Variants in ATP10B observed in about 807,000 individuals in gnomAD.
ATP10B encodes the protein phospholipid-transporting ATPase VB.
ATP10B carries 122 observed loss-of-function variants against 141.2 expected under a neutral mutation model. The observed-to-expected ratio is 0.86, with a 90% CI of 0.75 to 1.00. ATP10B has a LOEUF of 1.00. ATP10B is among the 50% of genes least tolerant of loss of function. The pLI, the probability that ATP10B is intolerant of heterozygous loss-of-function variation, is 0.00. For synonymous variants in ATP10B, 685 were observed against 692.0 expected, an observed-to-expected ratio of 0.99 and a Z score of 0.16; for missense variants, 1,876 against 1,825.3, an observed-to-expected ratio of 1.03 and a Z score of -0.51.
the ATP10B span, among the ~76,000 whole-genome samples, chr5:160,919,831 C>T: frequency 0.033 from 5,095 of 152,180 alleles, 118 homozygotes; most frequent in South Asian, 0.069. Flanking sequence ...CCTCTGAGGC[C>T]AACTGCGATG....
intron 3 of ATP10B, among the ~76,000 whole-genome samples, chr5:160,704,888 C>G (rs1414767931): frequency 7.8e-6 from 1 of 128,244 alleles, no homozygotes; most frequent in African/African-American, 3.1e-5. Context: ...GAAATAATCT[C>G]TGCTAGCTTC....
chr5:160,764,487 A>G (rs1409229627), intron 2 of ATP10B, among the ~76,000 whole-genome samples: 1 of 152,118 alleles, frequency 6.6e-6, no homozygotes, highest in Non-Finnish European at 1.5e-5. Context: ...ATAGATGCAG[A>G]AAAAAGCACC....
At chr5:160,752,951 C>T (rs778210276) in intron 2 of ATP10B, among the ~76,000 whole-genome samples, 18 of 152,178 alleles carry the variant, frequency 1.2e-4, no homozygotes, top group Admixed American at 3.9e-4. Context: ...ATCAGTTCCT[C>T]TTACTTTCTG....
the ATP10B span, among the ~76,000 whole-genome samples, chr5:160,907,129 T>C: frequency 6.6e-6 from 1 of 152,180 alleles, no homozygotes. Flanking sequence ...CAAATCGTTT[T>C]CTGTAATTCC....
At chr5:160,632,062 A>G (rs1758971651) in intron 13 of ATP10B, 67 bp downstream of exon 13, 1 of 1,458,816 alleles carries the variant, frequency 6.9e-7, no homozygotes, top group Non-Finnish European at 9.3e-7. Flanking sequence ...TCTTTTTCAC[A>G]TTCCAGAGCA....
At chr5:160,884,461 A>C in the ATP10B span, among the ~76,000 whole-genome samples, 1 of 152,294 alleles carries the variant, frequency 6.6e-6, no homozygotes, top group South Asian at 2.1e-4. Flanking sequence ...GTCTATAGTG[A>C]TAATTTTTCT....
At chr5:160,906,312 G>A in the ATP10B span, among the ~76,000 whole-genome samples, 1 of 151,892 alleles carries the variant, frequency 6.6e-6, no homozygotes, top group Non-Finnish European at 1.5e-5. Context: ...CTATTCAGAA[G>A]CAGCCTCTGG....
intron 1 of ATP10B, among the ~76,000 whole-genome samples, chr5:160,831,109 C>T (rs553717966): frequency 2.9e-4 from 5 of 17,286 alleles, no homozygotes; most frequent in Non-Finnish European, 9.9e-4. Flanking sequence ...ACTTTCAACA[C>T]GCTTTTTTTT....
intron 14 of ATP10B, 24 bp downstream of exon 14, chr5:160,622,370 C>G: frequency 6.3e-7 from 1 of 1,592,484 alleles, no homozygotes; most frequent in Non-Finnish European, 8.5e-7. Flanking sequence ...TTACCCTCCT[C>G]CCCCAGCCAT....
the ATP10B span, among the ~76,000 whole-genome samples, chr5:160,866,528 C>T: frequency 1.3e-5 from 2 of 152,002 alleles, no homozygotes; most frequent in East Asian, 3.9e-4. Flanking sequence ...ACAAAATTAG[C>T]CATGTTTGTT....
rs75640245 is a variant in ATP10B, at chr5:160,623,832, C to T, written c.1621-1247G>A. Among the ~76,000 whole-genome samples the T allele has an allele frequency of 8.5e-3, 1,299 of 152,304 alleles. 14 individuals carry two copies. Among genetic ancestry groups the T allele is most frequent in the African/African-American group, 0.029 (1,226 of 41,564 alleles). On this transcript the variant is annotated intron_variant, in intron 13 of 25. Coordinates refer to ENST00000327245, the MANE Select transcript of ATP10B (RefSeq NM_025153.3). ...CTGGTTTTGTCTATCTCCCTGCTGG[C>T]ATCTTGCTTTGGCCTGTATTTTAAA...
intron 1 of ATP10B, among the ~76,000 whole-genome samples, chr5:160,838,639 A>C (rs1356176654): frequency 6.6e-6 from 1 of 152,180 alleles, no homozygotes; most frequent in Non-Finnish European, 1.5e-5. Flanking sequence ...AGTAATGTAC[A>C]TACTTTGAGA....
intron 1 of ATP10B, among the ~76,000 whole-genome samples, chr5:160,833,654 A>C (rs1436968779): frequency 6.6e-6 from 1 of 152,182 alleles, no homozygotes; most frequent in African/African-American, 2.4e-5. Flanking sequence ...ATTATAAAAT[A>C]ACTATGATTA....
intron 2 of ATP10B, among the ~76,000 whole-genome samples, chr5:160,731,426 G>T (rs532877260): frequency 3.3e-5 from 5 of 152,318 alleles, no homozygotes; most frequent in Admixed American, 3.3e-4. Flanking sequence ...AGTTTGACTG[G>T]TAGTAAGGTT....
chr5:160,665,376 T>C (rs1454570164), intron 7 of ATP10B, among the ~76,000 whole-genome samples: 3 of 152,232 alleles, frequency 2.0e-5, no homozygotes, highest in Non-Finnish European at 4.4e-5. Flanking sequence ...GTTGTGACCA[T>C]GTCTGTACCA....
chr5:160,854,661 G>C (rs1753954095), upstream of ATP10B, among the ~76,000 whole-genome samples: 1 of 152,096 alleles, frequency 6.6e-6, no homozygotes, highest in South Asian at 2.1e-4. Context: ...ATAGTAGAAT[G>C]ACTTATAGGG....
Position 160,660,237 on chromosome 5 carries a change from T to C in ATP10B, c.675+10226A>G, listed in dbSNP as rs1761815687. Among the ~76,000 whole-genome samples the C allele has an allele frequency of 2.6e-5, 4 of 152,290 alleles. No individual in the cohort carries two copies. In the South Asian group the frequency reaches 8.3e-4, roughly 32 times the overall value. ...GGCATAGAAATAATAATCAACCCAATAGTAATAAACTCCTCTAGCATGTAC... is the reference window on the plus strand; with the variant it reads ...GGCATAGAAATAATAATCAACCCAACAGTAATAAACTCCTCTAGCATGTAC... On this transcript the variant is annotated intron_variant, in intron 7 of 25. Coordinates refer to ENST00000327245, the MANE Select transcript of ATP10B (RefSeq NM_025153.3).
intron 24 of ATP10B, among the ~76,000 whole-genome samples, chr5:160,574,225 G>C (rs1352878386): frequency 2.0e-5 from 3 of 152,146 alleles, no homozygotes; most frequent in Non-Finnish European, 4.4e-5. Flanking sequence ...AGGTCAGGAG[G>C]AGTTCAAGAC....
the ATP10B span, among the ~76,000 whole-genome samples, chr5:160,889,399 G>A: frequency 4.6e-5 from 7 of 152,188 alleles, no homozygotes; most frequent in African/African-American, 1.7e-4. Context: ...TGGACCATGT[G>A]TAGTAATTAA....
Sources: gnomAD v4.1 joint callset for allele counts (sites outside exome capture counted in the v4.1 genomes callset) on GRCh38, gnomAD v4.1.1 for gene constraint, MANE v1.5 for transcripts, NCBI Gene and HGNC (gene_info 2026-07-23, HGNC 2026-07-21) for gene names.